Variants in GPHN observed in about 807,000 individuals in gnomAD.
GPHN encodes the protein gephyrin.
In GPHN, 17 loss-of-function variants were observed where a neutral mutation model predicts 95.5. The observed-to-expected ratio is 0.18, with a 90% CI of 0.12 to 0.27. The LOEUF (loss-of-function observed/expected upper bound fraction) is 0.27, where lower values mean the gene tolerates loss of function less well. Ranked by LOEUF, GPHN falls within the 10% of genes least tolerant of loss-of-function variation. The pLI is 1.00. For missense variants in GPHN, 660 were observed against 978.1 expected, an observed-to-expected ratio of 0.67 and a Z score of 4.34; for synonymous variants, 320 against 322.5, an observed-to-expected ratio of 0.99 and a Z score of 0.08.
chr14:67,456,746 C>A, the GPHN span, among the ~76,000 whole-genome samples: 2 of 152,176 alleles, frequency 1.3e-5, no homozygotes, highest in African/African-American at 4.8e-5. Context: ...TAAAACAGAA[C>A]TACCGTTTGA....
intron 5 of GPHN, among the ~76,000 whole-genome samples, chr14:66,904,407 A>G (rs907058846): frequency 6.6e-6 from 1 of 152,104 alleles, no homozygotes; most frequent in Non-Finnish European, 1.5e-5. Context: ...ACAAATCTCT[A>G]GCTAGCCACA....
chr14:66,666,153 T>C (rs1354300250), intron 1 of GPHN, among the ~76,000 whole-genome samples: 3 of 151,808 alleles, frequency 2.0e-5, no homozygotes, highest in East Asian at 1.9e-4. Flanking sequence ...CTAATGTAAA[T>C]GACGAGTTAA....
the GPHN span, chr14:67,555,998 T>C: frequency 3.6e-6 from 5 of 1,376,984 alleles, no homozygotes; most frequent in Admixed American, 6.1e-5. Flanking sequence ...TACTGTGTTA[T>C]ACCTGAACAA....
chr14:67,439,178 G>T, the GPHN span, among the ~76,000 whole-genome samples: 1,091 of 152,316 alleles, frequency 7.2e-3, 20 homozygotes, highest in African/African-American at 0.025. Context: ...CAGTGTCCCC[G>T]TCTGTGAAAT....
chr14:66,852,755 A>G (rs117018646), intron 4 of GPHN, among the ~76,000 whole-genome samples: 1,832 of 152,322 alleles, frequency 0.012, 19 homozygotes, highest in Non-Finnish European at 0.018. Context: ...AACAGTGCCT[A>G]TCAATGTTTT....
intron 19 of GPHN, among the ~76,000 whole-genome samples, 183 bp from the exon 20 acceptor site, chr14:67,164,979 A>G (rs1330101354): frequency 1.3e-5 from 2 of 152,182 alleles, no homozygotes; most frequent in Admixed American, 6.5e-5. Context: ...GAAAACAGGA[A>G]ATACTAAAAA....
chr14:67,225,685 G>A, the GPHN span, among the ~76,000 whole-genome samples: 3 of 152,120 alleles, frequency 2.0e-5, no homozygotes, highest in Non-Finnish European at 4.4e-5. Flanking sequence ...CAGTTATGTA[G>A]CTTGTACACA....
intron 6 of GPHN, among the ~76,000 whole-genome samples, chr14:66,922,079 TAAACCTA>T (rs2153561064): frequency 6.6e-6 from 1 of 152,246 alleles, no homozygotes. Flanking sequence ...ATTAAGGACT[TAAACCTA>T]AGACCTAAAA....
the GPHN span, among the ~76,000 whole-genome samples, chr14:67,661,003 T>C: frequency 1.3e-5 from 2 of 152,134 alleles, no homozygotes; most frequent in African/African-American, 2.4e-5. Context: ...TTAAAACAGA[T>C]GCAAAACAGA....
chr14:66,851,532 CA>C (rs369427531), intron 4 of GPHN, among the ~76,000 whole-genome samples: 53 of 152,230 alleles, frequency 3.5e-4, no homozygotes, highest in African/African-American at 1.2e-3. Flanking sequence ...TGTTCATTCT[CA>C]TAACTATATT....
chr14:67,530,134 A>AT, the GPHN span, among the ~76,000 whole-genome samples: 1 of 152,204 alleles, frequency 6.6e-6, no homozygotes, highest in Admixed American at 6.5e-5. Context: ...AATCTTGTAA[A>AT]CAGAGATTTA....
At chr14:67,538,841 T>C in the GPHN span, among the ~76,000 whole-genome samples, 7 of 152,250 alleles carry the variant, frequency 4.6e-5, no homozygotes, top group Admixed American at 1.3e-4. Flanking sequence ...AGATGCTTGA[T>C]TGGGGAAAGC....
chr14:66,883,282 C>G (rs1437266681), intron 5 of GPHN, among the ~76,000 whole-genome samples: 6 of 151,840 alleles, frequency 4.0e-5, no homozygotes, highest in African/African-American at 1.4e-4. Context: ...TCCCCTCTTT[C>G]ATCTTCATTC....
chr14:66,885,759 A>C (rs185647032), intron 5 of GPHN, among the ~76,000 whole-genome samples: 2 of 152,200 alleles, frequency 1.3e-5, no homozygotes, highest in East Asian at 3.9e-4. Context: ...CCCAGAGGAA[A>C]AGGCAGGCTG....
At chr14:67,059,827 C>T (rs1472490496) in intron 11 of GPHN, among the ~76,000 whole-genome samples, 1 of 152,056 alleles carries the variant, frequency 6.6e-6, no homozygotes, top group Non-Finnish European at 1.5e-5. Context: ...TTTAGATATG[C>T]ATATCATTAG....
intron 12 of GPHN, among the ~76,000 whole-genome samples, chr14:67,093,601 A>G (rs899497183): frequency 1.3e-5 from 2 of 152,124 alleles, no homozygotes; most frequent in African/African-American, 4.8e-5. Flanking sequence ...TAATTCCAAA[A>G]AGAAAATATT....
intron 1 of GPHN, among the ~76,000 whole-genome samples, chr14:66,571,617 C>T (rs1340890311): frequency 6.6e-6 from 1 of 152,032 alleles, no homozygotes; most frequent in Admixed American, 6.6e-5. Flanking sequence ...TTGAGACCAG[C>T]CTGGCCAACA....
chr14:66,699,166 T>A (rs1053871945), intron 2 of GPHN, among the ~76,000 whole-genome samples: 1 of 152,178 alleles, frequency 6.6e-6, no homozygotes, highest in Non-Finnish European at 1.5e-5. Flanking sequence ...CTTAGTTTTC[T>A]CAATTGTTAA....
the GPHN span, among the ~76,000 whole-genome samples, chr14:67,234,142 T>G: frequency 6.6e-6 from 1 of 152,270 alleles, no homozygotes; most frequent in African/African-American, 2.4e-5. Flanking sequence ...ATACTCATTT[T>G]ATAAATAAGG....
Sources: allele counts gnomAD v4.1 joint callset (sites outside exome capture counted in the v4.1 genomes callset), GRCh38; gene constraint gnomAD v4.1.1; transcripts MANE v1.5; gene names NCBI Gene and HGNC (gene_info 2026-07-23, HGNC 2026-07-21).